Variants in SLC30A10 observed in about 807,000 individuals in gnomAD.
SLC30A10 encodes solute carrier family 30 member 10, also known as calcium/manganese antiporter SLC30A10.
SLC30A10 carries 8 observed loss-of-function variants against 21.7 expected under a neutral mutation model. That is an observed-to-expected ratio of 0.37 (90% CI 0.22 to 0.67). The LOEUF is 0.67. Among genes scored for constraint, SLC30A10 ranks in the 30% least tolerant of loss-of-function variants. The probability of loss-of-function intolerance (pLI) is 0.58; values close to 1 mark genes in which losing one functional copy is unlikely to be tolerated. For synonymous variants in SLC30A10, 272 were observed against 279.4 expected (o/e 0.97, Z 0.26); for missense variants, 521 against 642.5 (o/e 0.81, Z 2.04).
rs1659878146 is a variant in SLC30A10 at position 219,927,813 on chromosome 1, C to T, written c.628G>A (p.Ala210Thr). The change falls in exon 1 of 4, where the codon GCA (alanine) becomes ACA (threonine). Residue 210 changes from alanine to threonine, a missense_variant. Transcript: ENST00000366926. The stretch of plus-strand genomic sequence containing the variant: ...AACCGAAAGGCACCTGCTACGTTTG[C>T]GAACACGGTCGCCCCCTTCTCCCGC... Reference protein sequence around the residue: ...RKREKGATVFANVAGDSFNTQ... With the variant: ...RKREKGATVFTNVAGDSFNTQ... The T allele has an allele frequency of 2.6e-6, 4 of 1,543,620 alleles. No homozygotes were observed. The East Asian group carries it at 1.0e-4, about 40-fold the overall frequency.
intron 3 of SLC30A10, among the ~76,000 whole-genome samples, chr1:219,917,857 C>T (rs34290806): frequency 9.9e-5 from 15 of 151,860 alleles, no homozygotes; most frequent in Admixed American, 2.0e-4. Flanking sequence ...ATTACAGGCG[C>T]GTGCTACCAC....
rs1571807453 is a variant in SLC30A10 at position 219,934,925 on chromosome 1, G to A, written n.81-7820C>T. Among the ~76,000 whole-genome samples, 4 of 152,168 alleles carry A rather than the reference G, an allele frequency of 2.6e-5. No individual in the cohort carries two copies. In the South Asian group the frequency reaches 8.3e-4, roughly 32 times the overall value. On this transcript the variant is annotated intron_variant and non_coding_transcript_variant, in intron 1 of 8. Transcript: ENST00000484239. ...AAACCCTGTGCTTGGGGTTTGTCAA[G>A]GGGACAAGGGTAAGTGAAAACACGA...
Position 219,915,769 on chromosome 1 carries a change from T to C in SLC30A10, c.1138A>G (p.Ile380Val). ...FHHAGIHNVT[I>V]QFENVDLKEP... The stretch of plus-strand genomic sequence containing the variant: ...TTCAAGTCCACATTTTCAAACTGGA[T>C]GGTCACATTGTGGATTCCCGCATGG... The change falls in exon 4 of 4, where the codon ATC becomes GTC. Residue 380 changes from isoleucine to valine, a missense_variant. By Grantham distance (29) the Ile-to-Val change is conservative. Transcript: ENST00000366926. The C allele has an allele frequency of 6.2e-7, 1 of 1,614,220 alleles. No individual in the cohort carries two copies. The highest frequency in any genetic ancestry group is 2.2e-5 in the East Asian group (1 of 44,876).
intron 1 of SLC30A10, among the ~76,000 whole-genome samples, chr1:219,950,190 G>A (rs1041885255): frequency 2.0e-5 from 3 of 152,176 alleles, no homozygotes; most frequent in Admixed American, 2.0e-4. Flanking sequence ...TCTAGTATAT[G>A]AGCCACATTT....
Position 219,915,935 on chromosome 1 carries a change from A to C in SLC30A10, c.972T>G (p.Ser324=). 6.2e-7 allele frequency: 1 copy of C among 1,613,502 alleles called. No individual in the cohort carries two copies. ...VNMEELMSKL[S]AVPGISSVHE... ...GTACACTGCTAATTCCAGGCACAGCAGAGAGTTTACTCACTATAACAGAGA... is the reference window on the plus strand; with the variant it reads ...GTACACTGCTAATTCCAGGCACAGCCGAGAGTTTACTCACTATAACAGAGA... Residue 324 remains serine (S), a synonymous_variant, in exon 4 of 4, where the codon TCT becomes TCG. Coordinates refer to ENST00000366926, the MANE Select transcript of SLC30A10 (RefSeq NM_018713.3).
chr1:219,942,897 T>C (rs1185696281), intron 1 of SLC30A10, among the ~76,000 whole-genome samples: 1 of 151,994 alleles, frequency 6.6e-6, no homozygotes, highest in African/African-American at 2.4e-5. Flanking sequence ...ATACAAAAAT[T>C]TGCCAGGCAT....
intron 1 of SLC30A10, among the ~76,000 whole-genome samples, chr1:219,940,931 CT>C (rs750858984): frequency 1.4e-4 from 22 of 152,136 alleles, no homozygotes; most frequent in Non-Finnish European, 2.9e-4. Context: ...AAAACCCTGA[CT>C]TCATTTCTCT....
chr1:219,927,788 A>G lies in SLC30A10; in HGVS notation c.640+13T>C. On this transcript the variant is annotated intron_variant, in intron 1 of 3. Coordinates refer to ENST00000366926, the MANE Select transcript of SLC30A10 (RefSeq NM_018713.3). ...AAGGGCCAAGCGGTCCAAAGGATGC[A>G]ACCGAAAGGCACCTGCTACGTTTGC... is the stretch of plus-strand genomic sequence containing the variant. 1 of 1,530,888 alleles carries G rather than the reference A, an allele frequency of 6.5e-7. No homozygotes were observed. The highest frequency in any genetic ancestry group is 1.2e-5 in the South Asian group (1 of 81,780). 94.8% of individuals were successfully genotyped at this position (1,530,888 alleles called of 1,614,324 possible).
chr1:219,947,253 G>A (rs564696998), intron 1 of SLC30A10, among the ~76,000 whole-genome samples: 20 of 152,256 alleles, frequency 1.3e-4, no homozygotes, highest in African/African-American at 4.3e-4. Context: ...CATCCTCAGG[G>A]TGCAATGGCT....
At chr1:219,929,670 T>C (rs2102537070), upstream of SLC30A10, among the ~76,000 whole-genome samples, 1 of 152,172 alleles carries the variant, frequency 6.6e-6, no homozygotes, top group South Asian at 2.1e-4. Context: ...ACAGGCACCA[T>C]GCCCGGCTAA....
intron 1 of SLC30A10, among the ~76,000 whole-genome samples, chr1:219,934,524 A>G (rs1279856408): frequency 6.6e-6 from 1 of 152,220 alleles, no homozygotes; most frequent in South Asian, 2.1e-4. Flanking sequence ...TACAAAATAT[A>G]GGAACCAAAG....
chr1:219,915,959 G>C lies in SLC30A10; in HGVS notation c.959-11C>G. 4 of 1,603,346 alleles carry C rather than the reference G, an allele frequency of 2.5e-6. No homozygotes were observed. The highest frequency in any genetic ancestry group is 3.4e-6 in the Non-Finnish European group (4 of 1,174,106). On this transcript the variant is annotated splice_polypyrimidine_tract_variant and intron_variant, in intron 3 of 3. Transcript: ENST00000366926. The stretch of plus-strand genomic sequence containing the variant: ...CAGAGAGTTTACTCACTATAACAGA[G>C]AAGAGCAAACAAAAGCCAAGGTGAG...
intron 1 of SLC30A10, among the ~76,000 whole-genome samples, chr1:219,940,947 G>A (rs1292778713): frequency 6.6e-6 from 1 of 152,148 alleles, no homozygotes. Context: ...TTCTCTCACT[G>A]AGAGTAGAAA....
Position 219,915,522 on chromosome 1 carries a change from C to G in SLC30A10, c.1385G>C (p.Cys462Ser). 1 of 1,614,244 alleles carries G rather than the reference C, an allele frequency of 6.2e-7. No homozygotes were observed. Residue 462 changes from cysteine to serine, a missense_variant, in exon 4 of 4, where the codon TGT (cysteine) becomes TCT (serine). Physicochemically the swap from Cys to Ser is moderately radical, Grantham distance 112. Transcript: ENST00000366926. ...EVAIEVSLDS[C>S]LSDHGQSLNK... ...AAGACTTTGTCCGTGGTCACTCAGA[C>G]AGCTATCCAAAGACACTTCAATAGC... is the stretch of plus-strand genomic sequence containing the variant.
chr1:219,955,193 T>C (rs558344681), intron 1 of SLC30A10, among the ~76,000 whole-genome samples: 1 of 152,312 alleles, frequency 6.6e-6, no homozygotes, highest in South Asian at 2.1e-4. Context: ...ACCTTTCCCC[T>C]ACTCCCTTCC....
chr1:219,938,431 A>C (rs2102541543), intron 1 of SLC30A10, among the ~76,000 whole-genome samples: 1 of 152,320 alleles, frequency 6.6e-6, no homozygotes, highest in Non-Finnish European at 1.5e-5. Flanking sequence ...TGGGAGAAAG[A>C]GTGCAGCATG....
chr1:219,911,149 G>GTTTTTTTTTGTTTTTTTTTTTTT lies in SLC30A10; in HGVS notation c.*4299_*4300insAAAAAAAAAAAAACAAAAAAAAA, dbSNP rs1659401231. 2.0e-5 allele frequency among the ~76,000 whole-genome samples: 1 copy of GTTTTTTTTTGTTTTTTTTTTTTT among 49,398 alleles called. No individual in the cohort carries two copies. The highest frequency in any genetic ancestry group is 5.8e-5 in the African/African-American group (1 of 17,156). 32.4% of individuals were successfully genotyped at this position (49,398 alleles called of 152,430 possible). ...ATGTTTCTTCATTTTTTCTACATCA[G>GTTTTTTTTTGTTTTTTTTTTTTT]TTTTTTTTTTTTTTTTTTTTTTTTT... On this transcript the variant is annotated 3_prime_UTR_variant, in exon 4 of 4. Coordinates refer to ENST00000366926, the MANE Select transcript of SLC30A10 (RefSeq NM_018713.3).
chr1:219,934,961 G>C (rs969904287), intron 1 of SLC30A10, among the ~76,000 whole-genome samples: 1 of 152,154 alleles, frequency 6.6e-6, no homozygotes, highest in Non-Finnish European at 1.5e-5. Context: ...AAATGAAAGG[G>C]GTTATGGCTA....
At chr1:219,955,871 A>G (rs1300626702) in intron 1 of SLC30A10, among the ~76,000 whole-genome samples, 3 of 152,192 alleles carry the variant, frequency 2.0e-5, no homozygotes, top group Admixed American at 6.5e-5. Flanking sequence ...TTTAGGTTGA[A>G]TCTTTTGAAA....
Sources: gnomAD v4.1 joint callset for allele counts (sites outside exome capture counted in the v4.1 genomes callset) on GRCh38, gnomAD v4.1.1 for gene constraint, MANE v1.5 for transcripts, NCBI Gene and HGNC (gene_info 2026-07-23, HGNC 2026-07-21) for gene names.